Variants in MARK2 observed in about 807,000 individuals in gnomAD.
The protein encoded by MARK2 is microtubule affinity regulating kinase 2.
MARK2 carries 16 observed loss-of-function variants against 89.8 expected under a neutral mutation model. The ratio of observed to expected loss-of-function variants is 0.18; its 90% confidence interval spans 0.12 to 0.27. The LOEUF (loss-of-function observed/expected upper bound fraction) is 0.27, where lower values mean the gene tolerates loss of function less well. MARK2 is among the 10% of genes least tolerant of loss of function. The probability of loss-of-function intolerance (pLI) is 1.00; values close to 1 mark genes in which losing one functional copy is unlikely to be tolerated. For missense variants in MARK2, 621 were observed against 1,049.9 expected, an observed-to-expected ratio of 0.59 and a Z score of 5.65; for synonymous variants, 382 against 399.5, an observed-to-expected ratio of 0.96 and a Z score of 0.52.
At chr11:63,850,463 G>A (rs941525354) in intron 1 of MARK2, among the ~76,000 whole-genome samples, 12 of 150,798 alleles carry the variant, frequency 8.0e-5, no homozygotes, top group Non-Finnish European at 1.2e-4. Context: ...CACTGCACCC[G>A]CCCTAGTTTG....
At position 63,903,929 on chromosome 11, in the gene MARK2, G is replaced by C. The variant is rs1941105722; in HGVS notation, c.1515-57G>C. The C allele has an allele frequency of 1.3e-5, 19 of 1,469,390 alleles. No homozygotes were observed. The highest frequency in any genetic ancestry group is 1.7e-5 in the Non-Finnish European group (19 of 1,090,766). 91.0% of individuals were successfully genotyped at this position (1,469,390 alleles called of 1,614,324 possible). ...TCCCCTGCCCTTGCTTCCTAATCCA[G>C]GCCTCCCGCCCTCACTCACCCCTAA... On this transcript the variant is annotated intron_variant, in intron 14 of 18. Coordinates refer to ENST00000402010, the MANE Select transcript of MARK2 (RefSeq NM_001039469.3). This position sits in a 1 kb window ranked among gnomAD's most constrained non-coding sequence, Gnocchi z 5.1.
At chr11:63,901,213 T>A in intron 11 of MARK2, 144 bp downstream of exon 11, 1 of 646,150 alleles carries the variant, frequency 1.5e-6, no homozygotes, top group Non-Finnish European at 2.8e-6. Context: ...CTTTGGTGTC[T>A]AAGGTCCTCT....
intron 1 of MARK2, among the ~76,000 whole-genome samples, chr11:63,842,046 A>G (rs2016045882): frequency 6.6e-6 from 1 of 152,034 alleles, no homozygotes; most frequent in South Asian, 2.1e-4. Flanking sequence ...TTAATTACCC[A>G]TCCTATTTCT....
At chr11:63,865,963 A>T (rs1289648528) in intron 1 of MARK2, among the ~76,000 whole-genome samples, 2 of 152,078 alleles carry the variant, frequency 1.3e-5, no homozygotes, top group South Asian at 2.1e-4. Flanking sequence ...GTGGTGAATA[A>T]TGTCTCTTCT....
intron 1 of MARK2, among the ~76,000 whole-genome samples, chr11:63,888,112 G>A (rs1939512181): frequency 6.6e-6 from 1 of 152,096 alleles, no homozygotes; most frequent in African/African-American, 2.4e-5. Flanking sequence ...CTGAAATTAT[G>A]CTCAAAATAT....
At chr11:63,857,732 G>T (rs1406850479) in intron 1 of MARK2, among the ~76,000 whole-genome samples, 1 of 152,238 alleles carries the variant, frequency 6.6e-6, no homozygotes. Flanking sequence ...GCTTCTGGGT[G>T]TTCAGTTATT....
In MARK2 at chr11:63,883,760, G is replaced by GT. The variant is rs531918490; in HGVS notation, c.55-11392dup. Reference sequence around the variant, plus strand: ...TCACCACACCCCGGCTAATTTTTGTGTTTTTTTGTAGAGCCTGTGTTTTGC... The same window carrying GT: ...TCACCACACCCCGGCTAATTTTTGTGTTTTTTTTGTAGAGCCTGTGTTTTGC... On this transcript the variant is annotated intron_variant, in intron 1 of 18. Coordinates refer to ENST00000402010, the MANE Select transcript of MARK2 (RefSeq NM_001039469.3). Among the ~76,000 whole-genome samples the GT allele has an allele frequency of 1.3e-4, 20 of 151,838 alleles. 1 individual carries two copies. Among genetic ancestry groups the GT allele is most frequent in the Non-Finnish European group, 2.6e-4 (18 of 67,946 alleles).
intron 1 of MARK2, among the ~76,000 whole-genome samples, chr11:63,877,194 C>T (rs1324009863): frequency 6.9e-6 from 1 of 145,080 alleles, no homozygotes; most frequent in Non-Finnish European, 1.5e-5. Context: ...ACTGCAGCCT[C>T]GACCTCCCCA....
chr11:63,895,655 T>TC, intron 3 of MARK2, 22 bp downstream of exon 3: 1 of 1,322,400 alleles, frequency 7.6e-7, no homozygotes, highest in Non-Finnish European at 1.1e-6. Flanking sequence ...GCACCTCCTG[T>TC]CCCTTTTTTT....
intron 1 of MARK2, among the ~76,000 whole-genome samples, chr11:63,880,679 C>T (rs1939033778): frequency 6.6e-6 from 1 of 152,168 alleles, no homozygotes; most frequent in Non-Finnish European, 1.5e-5. Flanking sequence ...AGAGGGTTTT[C>T]CCTCCGATGA....
intron 1 of MARK2, among the ~76,000 whole-genome samples, chr11:63,856,780 T>TG (rs2016880966): frequency 9.1e-5 from 1 of 10,954 alleles, no homozygotes; most frequent in African/African-American, 6.5e-4. Context: ...TTTTTTTTTT[T>TG]TTTTTTTTTT....
At position 63,886,472 on chromosome 11, in the gene MARK2, T is replaced by G. The variant is rs1939403599; in HGVS notation, c.55-8687T>G. 2.0e-5 allele frequency among the ~76,000 whole-genome samples: 3 copies of G among 152,106 alleles called. No homozygotes were observed. The South Asian group carries it at 6.2e-4, about 32-fold the overall frequency. On this transcript the variant is annotated intron_variant, in intron 1 of 18. Coordinates refer to ENST00000402010, the MANE Select transcript of MARK2 (RefSeq NM_001039469.3). ...CAGAGTCTCACTCTGTTGCCCAGGC[T>G]GGAGTGCAGTGGTGCAATCTCTGCT...
intron 1 of MARK2, among the ~76,000 whole-genome samples, chr11:63,856,470 T>A (rs2016855809): frequency 6.6e-6 from 1 of 151,686 alleles, no homozygotes. Flanking sequence ...TTGCCCAGGC[T>A]GGAGTGCAGT....
At chr11:63,887,520 T>C (rs1939474810) in intron 1 of MARK2, among the ~76,000 whole-genome samples, 1 of 152,226 alleles carries the variant, frequency 6.6e-6, no homozygotes, top group Non-Finnish European at 1.5e-5. Context: ...CTGAGTAGCA[T>C]GGTCTTGCAG....
intron 1 of MARK2, among the ~76,000 whole-genome samples, chr11:63,847,640 T>G (rs2016350055): frequency 6.6e-6 from 1 of 152,216 alleles, no homozygotes; most frequent in South Asian, 2.1e-4. Flanking sequence ...AACAACCCCC[T>G]TCTCCCCAAA....
rs764476676 is a variant in MARK2 at position 63,902,009 on chromosome 11, G to A, written c.1102-189G>A. Among the ~76,000 whole-genome samples the A allele has an allele frequency of 3.8e-4, 58 of 152,238 alleles. No individual in the cohort carries two copies. Among genetic ancestry groups the A allele is most frequent in the South Asian group, 2.7e-3 (13 of 4,820 alleles). On this transcript the variant is annotated intron_variant, in intron 11 of 18. Transcript: ENST00000402010. This position sits in a 1 kb window ranked among gnomAD's most constrained non-coding sequence, Gnocchi z 4.2. ...CCTTTCTGAGACTGTGTTTGTCAGT[G>A]TCTGTGTCAGAGCATGTGTGTCTCC...
At chr11:63,863,301 A>T (rs1263081288) in intron 1 of MARK2, among the ~76,000 whole-genome samples, 3 of 151,920 alleles carry the variant, frequency 2.0e-5, no homozygotes, top group Non-Finnish European at 4.4e-5. Flanking sequence ...CTTAGTGGGA[A>T]TGGTTGCTTT....
Position 63,902,480 on chromosome 11 carries a change from C to A in MARK2, c.1235-121C>A. Reference sequence around the variant, plus strand: ...TATGGGCAAGCCACTTCCCTTCCCTCGCCTCTGTGGAATGGGGGCTTGCTG... The same window carrying A: ...TATGGGCAAGCCACTTCCCTTCCCTAGCCTCTGTGGAATGGGGGCTTGCTG... On this transcript the variant is annotated intron_variant, in intron 12 of 18. Coordinates refer to ENST00000402010, the MANE Select transcript of MARK2 (RefSeq NM_001039469.3). This position sits in a 1 kb window ranked among gnomAD's most constrained non-coding sequence, Gnocchi z 4.2. 1 of 1,370,762 alleles carries A rather than the reference C, an allele frequency of 7.3e-7. No homozygotes were observed. The highest frequency in any genetic ancestry group is 1.4e-5 in the African/African-American group (1 of 70,124). The allele number at this position is 1,370,762 out of a possible 1,614,324, so 84.9% of individuals were successfully genotyped here. A position where few individuals can be genotyped will look rare whatever the true frequency, so the allele number is the denominator to read the frequency against.
intron 1 of MARK2, among the ~76,000 whole-genome samples, chr11:63,875,939 A>T (rs1278790649): frequency 6.6e-6 from 1 of 152,222 alleles, no homozygotes; most frequent in Non-Finnish European, 1.5e-5. Context: ...AGCACTGTGT[A>T]TGAGAATGGA....
Sources: allele counts gnomAD v4.1 joint callset (sites outside exome capture counted in the v4.1 genomes callset), GRCh38; gene constraint gnomAD v4.1.1; non-coding constraint Gnocchi (gnomAD v3.1); transcripts MANE v1.5; gene names NCBI Gene and HGNC (gene_info 2026-07-23, HGNC 2026-07-21).